ARAP2: variants seen among roughly 807,000 people sequenced by gnomAD.
ARAP2 encodes the protein arf-GAP with Rho-GAP domain, ANK repeat and PH domain-containing protein 2.
In ARAP2, 148 loss-of-function variants were observed where a neutral mutation model predicts 194.5. That is an observed-to-expected ratio of 0.76 (90% confidence interval 0.67 to 0.87). The LOEUF is 0.87. Among genes scored for constraint, ARAP2 ranks in the 40% least tolerant of loss-of-function variants. ARAP2 has a pLI of 0.00. For missense variants in ARAP2, 2,128 were observed against 1,989.7 expected, an observed-to-expected ratio of 1.07 and a Z score of -1.32; for synonymous variants, 695 against 683.5, an observed-to-expected ratio of 1.02 and a Z score of -0.26.
At chr4:36,161,164 C>T (rs60797642) in intron 12 of ARAP2, among the ~76,000 whole-genome samples, 7 of 66,498 alleles carry the variant, frequency 1.1e-4, no homozygotes, top group South Asian at 5.2e-4. Flanking sequence ...CACACACACA[C>T]ACACACACAC....
At chr4:36,033,240 G>C (rs1240392740) in intron 5 of ARAP2, among the ~76,000 whole-genome samples, 1 of 152,110 alleles carries the variant, frequency 6.6e-6, no homozygotes, top group South Asian at 2.1e-4. Flanking sequence ...GCTCTTTGAG[G>C]AATTGCCATT....
At chr4:36,210,199 T>G (rs758209394) in intron 6 of ARAP2, among the ~76,000 whole-genome samples, 191 bp downstream of exon 6, 2 of 152,188 alleles carry the variant, frequency 1.3e-5, no homozygotes, top group Non-Finnish European at 2.9e-5. Context: ...AGCATTGCAT[T>G]GCACATCTCT....
rs552838233 is a variant in ARAP2 at position 36,011,559 on chromosome 4, G to C, written n.1325+1004C>G. ...AGAGAATCTTAGAAACACCCACAGA[G>C]CACACTGATGGTTTAGAGATAGTGA... On this transcript the variant is annotated intron_variant and non_coding_transcript_variant, in intron 9 of 12. Coordinates refer to the ARAP2 transcript ENST00000503225. Among the ~76,000 whole-genome samples the C allele has an allele frequency of 2.0e-3, 311 of 152,220 alleles. 4 individuals are homozygous for C. Among genetic ancestry groups the C allele is most frequent in the African/African-American group, 7.1e-3 (293 of 41,542 alleles).
intron 32 of ARAP2, 124 bp downstream of exon 32, chr4:36,073,564 AT>A: frequency 8.9e-7 from 1 of 1,122,440 alleles, no homozygotes; most frequent in East Asian, 2.6e-5. Flanking sequence ...GATTATTACC[AT>A]GCTTTACAAA....
chr4:36,008,834 T>C (rs1577510672), intron 9 of ARAP2, among the ~76,000 whole-genome samples: 1 of 151,972 alleles, frequency 6.6e-6, no homozygotes, highest in African/African-American at 2.4e-5. Context: ...TATAAGAAAC[T>C]TTAACAAATC....
chr4:36,222,979 T>C (rs992173077), intron 2 of ARAP2, among the ~76,000 whole-genome samples: 1 of 152,034 alleles, frequency 6.6e-6, no homozygotes, highest in African/African-American at 2.4e-5. Context: ...TCTTCATCCT[T>C]GTATTGCACT....
chr4:36,147,513 G>T, intron 18 of ARAP2, 35 bp downstream of exon 18: 2 of 1,588,352 alleles, frequency 1.3e-6, no homozygotes, highest in Non-Finnish European at 1.7e-6. Flanking sequence ...ATAAAGAAAA[G>T]TGTTCCAAAG....
chr4:36,071,682 GT>G (rs918392737), intron 32 of ARAP2, among the ~76,000 whole-genome samples: 5 of 86,204 alleles, frequency 5.8e-5, no homozygotes, highest in Non-Finnish European at 4.8e-5. Flanking sequence ...TTTTTTTTGA[GT>G]TTTTTTTTAA....
intron 26 of ARAP2, among the ~76,000 whole-genome samples, chr4:36,109,730 T>C (rs1719357210): frequency 6.6e-6 from 1 of 151,912 alleles, no homozygotes; most frequent in South Asian, 2.1e-4. Context: ...TTTTAAATTA[T>C]TCTTTAAGTT....
At chr4:36,116,817 T>C (rs1364958016) in intron 25 of ARAP2, among the ~76,000 whole-genome samples, 4 of 151,692 alleles carry the variant, frequency 2.6e-5, no homozygotes. Context: ...GTATTTAAGC[T>C]TGGGGTATTT....
At chr4:36,140,959 G>T (rs2109664346) in intron 19 of ARAP2, among the ~76,000 whole-genome samples, 1 of 151,696 alleles carries the variant, frequency 6.6e-6, no homozygotes, top group East Asian at 1.9e-4. Context: ...GTGTTTATTA[G>T]AACCAACAAC....
intron 28 of ARAP2, among the ~76,000 whole-genome samples, chr4:36,087,899 G>T (rs1035372759): frequency 2.0e-5 from 3 of 152,086 alleles, no homozygotes; most frequent in Non-Finnish European, 2.9e-5. Context: ...CTGTGTATGT[G>T]ATTTTGGACA....
At chr4:36,139,668 T>G (rs982125590) in intron 19 of ARAP2, among the ~76,000 whole-genome samples, 1 of 151,680 alleles carries the variant, frequency 6.6e-6, no homozygotes, top group Admixed American at 6.6e-5. Context: ...TGATTTAGTG[T>G]AAGCATTTAA....
chr4:36,135,156 A>G (rs1390679234), intron 19 of ARAP2, among the ~76,000 whole-genome samples: 1 of 151,758 alleles, frequency 6.6e-6, no homozygotes, highest in Non-Finnish European at 1.5e-5. Flanking sequence ...GTAAAACGAT[A>G]TAATCTTGAT....
At chr4:36,068,362 T>A in intron 32 of ARAP2, 84 bp from the exon 33 acceptor site, 1 of 1,395,096 alleles carries the variant, frequency 7.2e-7, no homozygotes, top group Non-Finnish European at 9.5e-7. Flanking sequence ...TAAAAGTTGA[T>A]GCTTCCTATA....
chr4:36,219,502 G>T (rs1172445657), intron 2 of ARAP2, among the ~76,000 whole-genome samples: 2 of 152,166 alleles, frequency 1.3e-5, no homozygotes, highest in Non-Finnish European at 2.9e-5. Context: ...GATTCAGGAA[G>T]TAGGGAATTT....
At chr4:36,012,182 G>C (rs1418302244) in intron 9 of ARAP2, among the ~76,000 whole-genome samples, 1 of 151,994 alleles carries the variant, frequency 6.6e-6, no homozygotes, top group Non-Finnish European at 1.5e-5. Flanking sequence ...AAAATGTTAT[G>C]GTTTTCATTT....
rs368148299 is a variant in ARAP2, at chr4:36,159,450, A to C, written c.2498T>G (p.Phe833Cys). 1.5e-5 allele frequency: 24 copies of C among 1,600,558 alleles called. No individual in the cohort carries two copies. Among genetic ancestry groups the C allele is most frequent in the Non-Finnish European group, 2.0e-5 (24 of 1,171,482 alleles). The change falls in exon 14 of 33, where the codon TTC becomes TGC. Residue 833 changes from phenylalanine (F) to cysteine (C), a missense_variant. By Grantham distance (205) the Phe-to-Cys change is radical (BLOSUM62 -2). Transcript: ENST00000303965. ...PDVLETMALL[F>C]SGADVMCATG... ...GGCACACATGACATCTGCTCCACTG[A>C]ACAGCAAAGCCATTGTTTCTAGAAC... is the stretch of plus-strand genomic sequence containing the variant.
intron 5 of ARAP2, among the ~76,000 whole-genome samples, chr4:36,021,752 A>T (rs116197174): frequency 0.076 from 11,558 of 152,252 alleles, 570 homozygotes; most frequent in Middle Eastern, 0.19. Flanking sequence ...ACAAGAAACT[A>T]AAATTGGTGA....
Sources: allele counts gnomAD v4.1 joint callset (sites outside exome capture counted in the v4.1 genomes callset), GRCh38; gene constraint gnomAD v4.1.1; transcripts MANE v1.5; gene names NCBI Gene and HGNC (gene_info 2026-07-23, HGNC 2026-07-21).